CRACD: variants seen among roughly 807,000 people sequenced by gnomAD.
The protein encoded by CRACD is capping protein inhibiting regulator of actin dynamics.
In CRACD, 56 loss-of-function variants were observed where a neutral mutation model predicts 106.8. That is an observed-to-expected ratio of 0.52 (90% confidence interval 0.42 to 0.66). The LOEUF (loss-of-function observed/expected upper bound fraction) is 0.66, where lower values mean the gene tolerates loss of function less well. Among genes scored for constraint, CRACD ranks in the 30% least tolerant of loss-of-function variants. The pLI, the probability that CRACD is intolerant of heterozygous loss-of-function variation, is 0.00. For missense variants in CRACD, 1,730 were observed against 1,623.2 expected, an observed-to-expected ratio of 1.07 and a Z score of -1.13; for synonymous variants, 754 against 670.8, an observed-to-expected ratio of 1.12 and a Z score of -1.92.
chr4:56,076,616 T>C (rs943602360), intron 1 of CRACD, among the ~76,000 whole-genome samples: 3 of 152,200 alleles, frequency 2.0e-5, no homozygotes, highest in African/African-American at 7.2e-5. Flanking sequence ...ATGCATATCA[T>C]TCCCTCTGCC....
chr4:56,073,269 T>C (rs894634733), intron 1 of CRACD, among the ~76,000 whole-genome samples: 2 of 152,212 alleles, frequency 1.3e-5, no homozygotes, highest in African/African-American at 2.4e-5. Flanking sequence ...CAGCATCTGT[T>C]GTTTCCTGTC....
chr4:56,272,689 A>C (rs1310390040), intron 3 of CRACD, among the ~76,000 whole-genome samples, 197 bp downstream of exon 3: 1 of 152,104 alleles, frequency 6.6e-6, no homozygotes, highest in Non-Finnish European at 1.5e-5. Flanking sequence ...TCAGGAGTTC[A>C]AGACCAGCCT....
rs201101039 is a variant in CRACD at position 56,307,569 on chromosome 4, G to C, written c.155G>C (p.Arg52Pro). The C allele has an allele frequency of 9.3e-6, 15 of 1,613,978 alleles. No homozygotes were observed. The highest frequency in any genetic ancestry group is 1.3e-5 in the Non-Finnish European group (15 of 1,180,026). The change falls in exon 5 of 11, where the codon CGG becomes CCG. Residue 52 changes from arginine (R) to proline (P), a missense_variant. Coordinates refer to ENST00000682029, the MANE Select transcript of CRACD (RefSeq NM_001393381.1). ...GGCAAGAATATCAAGTTTGGGCAGC[G>C]GTCACCCAATGCCATTCCCATGAAT... is the stretch of plus-strand genomic sequence containing the variant. ...QLGKNIKFGQ[R>P]SPNAIPMNKA...
At chr4:56,171,998 G>C (rs1393890352) in intron 1 of CRACD, among the ~76,000 whole-genome samples, 1 of 135,906 alleles carries the variant, frequency 7.4e-6, no homozygotes, top group Non-Finnish European at 1.6e-5. Context: ...CTGGTGCGTG[G>C]AGGTATCTTT....
chr4:56,053,161 T>C (rs919106453), intron 1 of CRACD, among the ~76,000 whole-genome samples: 64 of 152,346 alleles, frequency 4.2e-4, no homozygotes, highest in African/African-American at 1.5e-3. Flanking sequence ...CGAATGAATG[T>C]CGGCTTTTGT....
At chr4:56,152,400 G>A (rs1735613457) in intron 1 of CRACD, among the ~76,000 whole-genome samples, 1 of 151,844 alleles carries the variant, frequency 6.6e-6, no homozygotes. Context: ...TTGGGAGGCT[G>A]AGTCATGAGG....
chr4:56,232,332 G>A (rs1286310543), intron 2 of CRACD, among the ~76,000 whole-genome samples: 1 of 152,026 alleles, frequency 6.6e-6, no homozygotes, highest in African/African-American at 2.4e-5. Flanking sequence ...TTATTGCCAA[G>A]TTAATTCCTT....
In CRACD at chr4:56,254,301, G is replaced by A. The variant is rs573636450; in HGVS notation, c.-188-18020G>A. Among the ~76,000 whole-genome samples, 288 of 152,094 alleles carry A rather than the reference G, an allele frequency of 1.9e-3. 1 individual carries two copies. The highest frequency in any genetic ancestry group is 5.8e-3 in the African/African-American group (240 of 41,502). The stretch of plus-strand genomic sequence containing the variant: ...TGCAACGGAGTAAGTCTAAGATCAA[G>A]GAAGAATAGCCAGACAGGACTGTCC... On this transcript the variant is annotated intron_variant, in intron 2 of 10. Transcript: ENST00000682029.
intron 2 of CRACD, among the ~76,000 whole-genome samples, chr4:56,199,668 C>T (rs1028480935): frequency 1.5e-5 from 2 of 129,988 alleles, no homozygotes; most frequent in Non-Finnish European, 3.1e-5. Context: ...GGCAACAGAG[C>T]GAAACTCCGT....
intron 2 of CRACD, chr4:56,216,191 G>C (rs977491566): frequency 2.0e-5 from 3 of 152,216 alleles, no homozygotes; most frequent in Non-Finnish European, 4.4e-5. Flanking sequence ...TGGAAACACA[G>C]AGCTGTGTGG....
chr4:56,119,922 C>T (rs1278790779), intron 1 of CRACD, among the ~76,000 whole-genome samples: 5 of 152,200 alleles, frequency 3.3e-5, no homozygotes, highest in African/African-American at 1.2e-4. Flanking sequence ...AAAACACAAG[C>T]ATTGTTGCCC....
At chr4:56,301,280 C>T in intron 4 of CRACD, 3 of 1,264,898 alleles carry the variant, frequency 2.4e-6, no homozygotes, top group Non-Finnish European at 3.1e-6. Flanking sequence ...ACTTTATTAA[C>T]TTGCATGAAT....
intron 1 of CRACD, among the ~76,000 whole-genome samples, chr4:56,074,229 A>C (rs1000991466): frequency 1.1e-4 from 16 of 152,236 alleles, no homozygotes; most frequent in African/African-American, 3.6e-4. Flanking sequence ...GAAGAAAGTC[A>C]ATGGTAGCTT....
intron 2 of CRACD, among the ~76,000 whole-genome samples, chr4:56,187,375 A>G (rs6856875): frequency 0.34 from 52,114 of 151,916 alleles, 9,194 homozygotes; most frequent in African/African-American, 0.41. Context: ...GGGGCACACA[A>G]TCTCCGCAGG....
intron 4 of CRACD, among the ~76,000 whole-genome samples, chr4:56,300,439 C>T (rs1029750628): frequency 2.6e-5 from 4 of 152,168 alleles, no homozygotes; most frequent in Admixed American, 6.5e-5. Flanking sequence ...TCTAGCTGGC[C>T]GTGCTCTAAC....
chr4:56,263,030 C>T (rs943226673), intron 2 of CRACD, among the ~76,000 whole-genome samples: 18 of 152,136 alleles, frequency 1.2e-4, no homozygotes, highest in Non-Finnish European at 2.6e-4. Flanking sequence ...TGCAGAGACA[C>T]ACAAGGCACA....
chr4:56,259,951 T>A (rs536467826), intron 2 of CRACD, among the ~76,000 whole-genome samples: 1 of 152,170 alleles, frequency 6.6e-6, no homozygotes, highest in South Asian at 2.1e-4. Flanking sequence ...CAGAACCCAA[T>A]TGAGGATGAC....
chr4:56,057,811 TTTG>T (rs1404134072), intron 1 of CRACD, among the ~76,000 whole-genome samples: 4 of 60,446 alleles, frequency 6.6e-5, no homozygotes, highest in African/African-American at 4.7e-4. Context: ...TTTTTTTTTT[TTTG>T]TTTTTTTTTT....
chr4:56,284,522 C>G (rs1376328493), intron 3 of CRACD, among the ~76,000 whole-genome samples: 1 of 151,964 alleles, frequency 6.6e-6, no homozygotes, highest in Non-Finnish European at 1.5e-5. Flanking sequence ...GTTAGGAGTT[C>G]AAGACTAGCC....
Sources: gnomAD v4.1 joint callset for allele counts (sites outside exome capture counted in the v4.1 genomes callset) on GRCh38, gnomAD v4.1.1 for gene constraint, MANE v1.5 for transcripts, NCBI Gene and HGNC (gene_info 2026-07-23, HGNC 2026-07-21) for gene names.